ARSG: variants seen among roughly 807,000 people sequenced by gnomAD.
The protein encoded by ARSG is ASG.
In ARSG, 37 loss-of-function variants were observed where a neutral mutation model predicts 50.5. That is an observed-to-expected ratio of 0.73 (90% confidence interval 0.56 to 0.96). ARSG has a LOEUF of 0.96. Ranked by LOEUF, ARSG falls within the 50% of genes least tolerant of loss-of-function variation. The pLI is 0.00. For missense variants in ARSG, 629 were observed against 675.3 expected, an observed-to-expected ratio of 0.93 and a Z score of 0.76; for synonymous variants, 225 against 254.6, an observed-to-expected ratio of 0.88 and a Z score of 1.11.
rs1018776261 is a variant in ARSG at position 68,307,250 on chromosome 17, G to A, written c.-244G>A. Reference sequence around the variant, plus strand: ...GACCATAGAAGATCAAGCCAAATGAGGGATTGCAAATTTCCTGATTCTTTT... The same window carrying A: ...GACCATAGAAGATCAAGCCAAATGAAGGATTGCAAATTTCCTGATTCTTTT... On this transcript the variant is annotated 5_prime_UTR_variant, in exon 2 of 12. Transcript: ENST00000621439. 30 of 520,464 alleles carry A rather than the reference G, an allele frequency of 5.8e-5. No homozygotes were observed. The highest frequency in any genetic ancestry group is 6.8e-6 in the Non-Finnish European group (2 of 294,514). 32.2% of individuals were successfully genotyped at this position (520,464 alleles called of 1,614,324 possible).
intron 2 of ARSG, among the ~76,000 whole-genome samples, chr17:68,313,130 A>G (rs987367664): frequency 6.6e-6 from 1 of 152,060 alleles, no homozygotes; most frequent in Non-Finnish European, 1.5e-5. Context: ...GCATGGTGGC[A>G]GGTGCCTGTA....
At chr17:68,427,306 TA>T (rs1162535611), downstream of ARSG, 1 of 1,334,816 alleles carries the variant, frequency 7.5e-7, no homozygotes, top group Non-Finnish European at 1.1e-6. Context: ...ATCATATATC[TA>T]GGACACCTTC....
intron 1 of ARSG, among the ~76,000 whole-genome samples, chr17:68,280,893 G>C (rs1279260295): frequency 1.3e-5 from 2 of 152,158 alleles, no homozygotes; most frequent in Non-Finnish European, 2.9e-5. Flanking sequence ...GGGATGCCAA[G>C]GTGGGTGGAT....
chr17:68,425,935 T>C, downstream of ARSG: 1 of 683,866 alleles, frequency 1.5e-6, no homozygotes. Context: ...AAATATCCTA[T>C]GGCTTTCCAA....
chr17:68,441,051 G>C, the ARSG span: 21 of 152,316 alleles, frequency 1.4e-4, no homozygotes, highest in African/African-American at 4.6e-4. Context: ...ATTGCTGTGT[G>C]GTATGGAACG....
intron 11 of ARSG, among the ~76,000 whole-genome samples, chr17:68,414,898 T>C (rs1403342394): frequency 6.6e-6 from 1 of 152,230 alleles, no homozygotes; most frequent in African/African-American, 2.4e-5. Context: ...TGTTTCTTAT[T>C]GAGTTTATTT....
the ARSG span, chr17:68,428,920 G>A: frequency 7.4e-6 from 12 of 1,613,718 alleles, no homozygotes; most frequent in South Asian, 2.2e-5. Flanking sequence ...ACTAGCAGCC[G>A]TGGCAACTTC....
At chr17:68,362,726 TCAAA>T (rs1432885063) in intron 6 of ARSG, among the ~76,000 whole-genome samples, 15 of 152,186 alleles carry the variant, frequency 9.9e-5, no homozygotes. Context: ...AGGTCAGTGC[TCAAA>T]CAGTTTCGGA....
At chr17:68,348,636 C>T (rs912883773) in intron 4 of ARSG, among the ~76,000 whole-genome samples, 2 of 152,154 alleles carry the variant, frequency 1.3e-5, no homozygotes, top group East Asian at 1.9e-4. Flanking sequence ...CGGCTCACTG[C>T]AACCTCCGCC....
At chr17:68,408,965 TG>T (rs1394375124) in intron 11 of ARSG, among the ~76,000 whole-genome samples, 1 of 148,910 alleles carries the variant, frequency 6.7e-6, no homozygotes, top group African/African-American at 2.5e-5. Flanking sequence ...CACTTTTTGA[TG>T]GGGTTGTTTT....
the ARSG span, among the ~76,000 whole-genome samples, chr17:68,447,850 G>A: frequency 8.1e-3 from 1,223 of 151,894 alleles, 13 homozygotes; most frequent in African/African-American, 0.025. Context: ...AACATTAGCC[G>A]GGCGTGGTGG....
At chr17:68,276,609 C>T (rs567175219) in intron 1 of ARSG, among the ~76,000 whole-genome samples, 30 of 152,052 alleles carry the variant, frequency 2.0e-4, no homozygotes, top group South Asian at 8.3e-4. Flanking sequence ...CCACCATGCC[C>T]GGCCAATTTT....
At chr17:68,313,576 C>T (rs539838546) in intron 2 of ARSG, among the ~76,000 whole-genome samples, 15 of 152,204 alleles carry the variant, frequency 9.9e-5, no homozygotes, top group Admixed American at 2.6e-4. Flanking sequence ...TCTGCGAAGA[C>T]GCTATCTCCA....
At chr17:68,312,567 A>T (rs7216378) in intron 2 of ARSG, among the ~76,000 whole-genome samples, 1 of 151,444 alleles carries the variant, frequency 6.6e-6, no homozygotes, top group Non-Finnish European at 1.5e-5. Context: ...AGCAGAAAGG[A>T]GGACTCAGGG....
chr17:68,426,656 C>T (rs531782415), downstream of ARSG, among the ~76,000 whole-genome samples: 4 of 152,188 alleles, frequency 2.6e-5, no homozygotes, highest in Non-Finnish European at 5.9e-5. Flanking sequence ...CCTCAGCCTC[C>T]GGAGTAGCTG....
At chr17:68,355,956 A>G (rs2079013934) in intron 5 of ARSG, among the ~76,000 whole-genome samples, 1 of 151,936 alleles carries the variant, frequency 6.6e-6, no homozygotes, top group African/African-American at 2.4e-5. Flanking sequence ...ATCTCAGTTC[A>G]CTGCAACCTC....
intron 1 of ARSG, chr17:68,274,140 C>T (rs1555750159): frequency 6.6e-7 from 1 of 1,518,744 alleles, no homozygotes. Context: ...AAGACTCCTT[C>T]CTCCACGTCT....
intron 2 of ARSG, among the ~76,000 whole-genome samples, chr17:68,328,247 A>G (rs782411611): frequency 2.0e-5 from 3 of 151,986 alleles, no homozygotes; most frequent in Non-Finnish European, 4.4e-5. Context: ...GGCAGTCATC[A>G]TGTTGCCTGC....
intron 8 of ARSG, among the ~76,000 whole-genome samples, chr17:68,374,228 G>A (rs1189197345): frequency 1.3e-5 from 2 of 151,788 alleles, no homozygotes; most frequent in Non-Finnish European, 2.9e-5. Flanking sequence ...TGTTGCATTA[G>A]CTGATTACAA....
Sources: allele counts gnomAD v4.1 joint callset (sites outside exome capture counted in the v4.1 genomes callset), GRCh38; gene constraint gnomAD v4.1.1; transcripts MANE v1.5; gene names NCBI Gene and HGNC (gene_info 2026-07-23, HGNC 2026-07-21).